ATAD2B: variants seen among roughly 807,000 people sequenced by gnomAD.
The protein encoded by ATAD2B is ATPase family AAA domain containing 2B.
Under a neutral mutation model 167.6 loss-of-function variants are expected in ATAD2B, and 40 were observed. That is an observed-to-expected ratio of 0.24 (90% CI 0.19 to 0.31). The LOEUF (loss-of-function observed/expected upper bound fraction) is 0.31. Ranked by LOEUF, ATAD2B falls within the 10% of genes least tolerant of loss-of-function variation. ATAD2B has a pLI of 1.00. For synonymous variants in ATAD2B, 579 were observed against 596.5 expected (o/e 0.97, Z 0.43); for missense variants, 1,242 against 1,757.2 (o/e 0.71, Z 5.24).
At chr2:23,777,518 A>T (rs1679342692) in intron 22 of ATAD2B, among the ~76,000 whole-genome samples, 1 of 152,204 alleles carries the variant, frequency 6.6e-6, no homozygotes, top group Admixed American at 6.5e-5. Context: ...AACTCATGAA[A>T]TACAACTGTG....
chr2:23,760,435 C>A (rs991276006), intron 24 of ATAD2B, among the ~76,000 whole-genome samples: 3 of 151,880 alleles, frequency 2.0e-5, no homozygotes, highest in Non-Finnish European at 2.9e-5. Context: ...CCGAGGCTGA[C>A]GGATCACTTG....
chr2:23,693,378 C>T, the ATAD2B span: 360 of 1,551,740 alleles, frequency 2.3e-4, no homozygotes, highest in African/African-American at 3.7e-3. Flanking sequence ...AGATCTTCCC[C>T]GAGGTGGCCG....
At chr2:23,891,007 T>G (rs1699394195) in intron 2 of ATAD2B, among the ~76,000 whole-genome samples, 1 of 150,414 alleles carries the variant, frequency 6.6e-6, no homozygotes, top group African/African-American at 2.4e-5. Context: ...ATTAAAAGAT[T>G]TAATATACTG....
intron 1 of ATAD2B, among the ~76,000 whole-genome samples, chr2:23,920,150 CAAA>C (rs58552045): frequency 2.3e-4 from 32 of 139,294 alleles, no homozygotes; most frequent in African/African-American, 2.9e-4. Context: ...GACTCTGCCT[CAAA>C]AAAAAAAAAA....
intron 19 of ATAD2B, among the ~76,000 whole-genome samples, chr2:23,793,804 G>C (rs1160555494): frequency 6.6e-6 from 1 of 152,028 alleles, no homozygotes; most frequent in Non-Finnish European, 1.5e-5. Context: ...AGAGACCAGA[G>C]GTGCACAAAC....
the ATAD2B span, among the ~76,000 whole-genome samples, chr2:23,693,750 G>C: frequency 6.6e-6 from 1 of 152,370 alleles, no homozygotes; most frequent in African/African-American, 2.4e-5. Context: ...AAGAGCCGCA[G>C]CACCTGCACT....
In ATAD2B at chr2:23,814,457, A is replaced by G. The variant is rs555521908; in HGVS notation, c.2268-3955T>C. Among the ~76,000 whole-genome samples the G allele has an allele frequency of 1.2e-4, 18 of 152,292 alleles. No homozygotes were observed. In the East Asian group the frequency reaches 2.5e-3, roughly 21 times the overall value. Reference sequence around the variant, plus strand: ...GTACACAGTGCTATGGAAGATACCAATTAGAGACTCATAGAAGGCATTCCT... The same window carrying G: ...GTACACAGTGCTATGGAAGATACCAGTTAGAGACTCATAGAAGGCATTCCT... On this transcript the variant is annotated intron_variant, in intron 17 of 27. Coordinates refer to ENST00000238789, the MANE Select transcript of ATAD2B (RefSeq NM_017552.4).
chr2:23,722,409 C>T, the ATAD2B span, among the ~76,000 whole-genome samples: 3 of 152,068 alleles, frequency 2.0e-5, no homozygotes, highest in Non-Finnish European at 4.4e-5. Flanking sequence ...ACACAAAGAA[C>T]CAAACAGAAA....
chr2:23,711,089 T>C, the ATAD2B span, among the ~76,000 whole-genome samples: 1 of 152,158 alleles, frequency 6.6e-6, no homozygotes, highest in African/African-American at 2.4e-5. Context: ...ATTTTTATGA[T>C]TGTGGGTATG....
At chr2:23,902,724 C>T (rs1700982791) in intron 1 of ATAD2B, among the ~76,000 whole-genome samples, 1 of 152,074 alleles carries the variant, frequency 6.6e-6, no homozygotes, top group African/African-American at 2.4e-5. Flanking sequence ...TTACTGATGA[C>T]CTACTATGTA....
At chr2:23,783,090 A>C in intron 21 of ATAD2B, 62 bp from the exon 22 acceptor site, 1 of 870,732 alleles carries the variant, frequency 1.1e-6, no homozygotes, top group Non-Finnish European at 1.6e-6. Context: ...GTTCATAAAA[A>C]CACAAAATAA....
intron 18 of ATAD2B, among the ~76,000 whole-genome samples, chr2:23,807,052 G>A (rs1684502757): frequency 6.6e-6 from 1 of 152,168 alleles, no homozygotes; most frequent in African/African-American, 2.4e-5. Context: ...CTATGCAGAT[G>A]ACACTGTGAA....
chr2:23,787,511 G>C (rs1278898639), intron 20 of ATAD2B, among the ~76,000 whole-genome samples: 1 of 151,844 alleles, frequency 6.6e-6, no homozygotes, highest in Non-Finnish European at 1.5e-5. Flanking sequence ...GGTTTTGGGA[G>C]GGAAAAAACC....
At chr2:23,866,871 G>A (rs1695216730) in intron 10 of ATAD2B, among the ~76,000 whole-genome samples, 1 of 152,098 alleles carries the variant, frequency 6.6e-6, no homozygotes, top group African/African-American at 2.4e-5. Context: ...TAAATTCTTG[G>A]TTATGCAGTA....
At chr2:23,797,939 C>T (rs1227821341) in intron 19 of ATAD2B, among the ~76,000 whole-genome samples, 199 bp downstream of exon 19, 2 of 152,088 alleles carry the variant, frequency 1.3e-5, no homozygotes, top group African/African-American at 4.8e-5. Context: ...TTTATAACAA[C>T]ACTGTGGAAT....
chr2:23,706,931 G>C, the ATAD2B span: 1 of 354,106 alleles, frequency 2.8e-6, no homozygotes, highest in African/African-American at 2.1e-5. Context: ...CGCTCTGCCA[G>C]GTGCAATAGA....
intron 7 of ATAD2B, among the ~76,000 whole-genome samples, chr2:23,878,022 A>AAAAAAAAAAAAG: frequency 7.0e-6 from 1 of 143,850 alleles, no homozygotes. Flanking sequence ...AAGAAAAAAA[A>AAAAAAAAAAAAG]AAAAAAAAAA....
At chr2:23,733,508 T>C in the ATAD2B span, among the ~76,000 whole-genome samples, 1 of 152,218 alleles carries the variant, frequency 6.6e-6, no homozygotes, top group Non-Finnish European at 1.5e-5. Flanking sequence ...GTTTGAACAA[T>C]CATTTATAGG....
chr2:23,786,080 G>A lies in ATAD2B; in HGVS notation c.2920C>T (p.Leu974=). The change falls in exon 21 of 28, where the codon CTG becomes TTG. Residue 974 remains leucine (L), a synonymous_variant. Transcript: ENST00000238789. ...ATGTTAAAGCGTTTATCTGTGGCCA[G>A]CCTCTTGGTTACATCCCTGAGAAAC... ...RLFLRDVTKR[L]ATDKRFNIFS... 2 of 1,612,168 alleles carry A rather than the reference G, an allele frequency of 1.2e-6. No individual in the cohort carries two copies. Among genetic ancestry groups the A allele is most frequent in the Non-Finnish European group, 1.7e-6 (2 of 1,179,044 alleles).
Sources: allele counts gnomAD v4.1 joint callset (sites outside exome capture counted in the v4.1 genomes callset), GRCh38; gene constraint gnomAD v4.1.1; transcripts MANE v1.5; gene names NCBI Gene and HGNC (gene_info 2026-07-23, HGNC 2026-07-21).